Variants in SLC16A4 observed in about 807,000 individuals in gnomAD.
SLC16A4 encodes solute carrier family 16 member 4.
In SLC16A4, 39 loss-of-function variants were observed where a neutral mutation model predicts 47.9. That is an observed-to-expected ratio of 0.81 (90% CI 0.63 to 1.06). The LOEUF (loss-of-function observed/expected upper bound fraction) is 1.06. SLC16A4 is among the 50% of genes least tolerant of loss of function. The probability of loss-of-function intolerance (pLI) is 0.00; values close to 1 mark genes in which losing one functional copy is unlikely to be tolerated. For missense variants in SLC16A4, 524 were observed against 573.8 expected, an observed-to-expected ratio of 0.91 and a Z score of 0.89; for synonymous variants, 189 against 199.9, an observed-to-expected ratio of 0.95 and a Z score of 0.46.
In SLC16A4 at chr1:110,363,316, A is replaced by G. The variant is rs1411305510; in HGVS notation, c.*450T>C. On this transcript the variant is annotated 3_prime_UTR_variant, in exon 9 of 9. Transcript: ENST00000369779. Reference sequence around the variant, plus strand: ...CCAATTAGACATTTCTCAGAATGCTAAAGCAAGAAGGAACCTTAAAAACTT... The same window carrying G: ...CCAATTAGACATTTCTCAGAATGCTGAAGCAAGAAGGAACCTTAAAAACTT... 6.6e-6 allele frequency: 1 copy of G among 152,344 alleles called. No individual in the cohort carries two copies. The highest frequency in any genetic ancestry group is 2.4e-5 in the African/African-American group (1 of 41,448). The allele number at this position is 152,344 out of a possible 1,614,324, so 9.4% of individuals were successfully genotyped here.
At chr1:110,372,676 T>C (rs973382335) in intron 8 of SLC16A4, 2 of 152,232 alleles carry the variant, frequency 1.3e-5, no homozygotes, top group Admixed American at 6.5e-5. Context: ...GTTAGAATCT[T>C]GTTTAAGATA....
chr1:110,373,332 T>G (rs1292571431), intron 8 of SLC16A4, among the ~76,000 whole-genome samples: 1 of 152,160 alleles, frequency 6.6e-6, no homozygotes, highest in African/African-American at 2.4e-5. Context: ...GGACAGCCAA[T>G]GAAGAAGGAT....
At chr1:110,379,438 C>CAG (rs1251000906) in intron 5 of SLC16A4, 82 bp from the exon 6 acceptor site, 5 of 1,292,484 alleles carry the variant, frequency 3.9e-6, no homozygotes, top group Non-Finnish European at 3.2e-6. Context: ...AGAAGAGGCC[C>CAG]CACTGGCATA....
intron 5 of SLC16A4, 27 bp downstream of exon 5, chr1:110,380,955 A>G (rs1662344763): frequency 1.2e-6 from 2 of 1,603,074 alleles, no homozygotes; most frequent in Non-Finnish European, 1.7e-6. Context: ...TGCACAGTTG[A>G]TAGTAAATAA....
At chr1:110,376,862 T>G (rs1662033148) in intron 7 of SLC16A4, 88 bp downstream of exon 7, 2 of 1,099,878 alleles carry the variant, frequency 1.8e-6, no homozygotes, top group South Asian at 3.2e-5. Flanking sequence ...GTTACAAAAT[T>G]AATACAAAAT....
At chr1:110,378,319 C>T (rs1662129922) in intron 6 of SLC16A4, among the ~76,000 whole-genome samples, 1 of 152,160 alleles carries the variant, frequency 6.6e-6, no homozygotes, top group Non-Finnish European at 1.5e-5. Flanking sequence ...ACATGCATTG[C>T]TTTTTTGATC....
intron 2 of SLC16A4, among the ~76,000 whole-genome samples, chr1:110,388,057 T>C (rs150686687): frequency 5.9e-4 from 90 of 152,230 alleles, no homozygotes; most frequent in African/African-American, 2.1e-3. Context: ...CCTTTCCCCG[T>C]GAGCTGCTTA....
intron 1 of SLC16A4, among the ~76,000 whole-genome samples, 166 bp from the exon 2 acceptor site, chr1:110,389,521 A>G (rs1662917201): frequency 6.6e-6 from 1 of 152,242 alleles, no homozygotes; most frequent in Non-Finnish European, 1.5e-5. Context: ...AAATTGAACT[A>G]CCATTTGACC....
intron 8 of SLC16A4, chr1:110,370,962 G>A (rs998386448): frequency 6.6e-6 from 1 of 152,184 alleles, no homozygotes; most frequent in East Asian, 1.9e-4. Flanking sequence ...CAGTTGTAGA[G>A]GTTCTAGACT....
intron 8 of SLC16A4, among the ~76,000 whole-genome samples, chr1:110,366,426 C>T (rs1661403817): frequency 6.6e-6 from 1 of 152,224 alleles, no homozygotes; most frequent in East Asian, 1.9e-4. Flanking sequence ...TTCTAAAGTG[C>T]TTGGATTTCA....
chr1:110,390,275 C>CCTG (rs1340324107), intron 1 of SLC16A4, among the ~76,000 whole-genome samples: 6 of 152,104 alleles, frequency 3.9e-5, no homozygotes, highest in Admixed American at 6.6e-5. Flanking sequence ...TGTGCGTCAC[C>CCTG]CTGCTGGTCC....
intron 2 of SLC16A4, among the ~76,000 whole-genome samples, chr1:110,385,518 T>C (rs1190458364): frequency 1.3e-5 from 2 of 152,194 alleles, no homozygotes; most frequent in Admixed American, 1.3e-4. Context: ...ACATTTCCCT[T>C]ATCCTATGCC....
At chr1:110,383,904 C>T (rs964356860) in intron 2 of SLC16A4, among the ~76,000 whole-genome samples, 2 of 140,900 alleles carry the variant, frequency 1.4e-5, no homozygotes, top group African/African-American at 2.7e-5. Context: ...GTTCAGCCTA[C>T]GCATGGGAAT....
At position 110,377,086 on chromosome 1, in the gene SLC16A4, T is replaced by C; in HGVS notation, c.1106A>G (p.His369Arg). 6.2e-7 allele frequency: 1 copy of C among 1,614,102 alleles called. No homozygotes were observed. The highest frequency in any genetic ancestry group is 8.5e-7 in the Non-Finnish European group (1 of 1,180,006). Residue 369 changes from histidine (H) to arginine (R), a missense_variant, in exon 7 of 9, where the codon CAC (histidine) becomes CGC (arginine). His to Arg is a conservative substitution (Grantham distance 29, BLOSUM62 0). Coordinates refer to ENST00000369779, the MANE Select transcript of SLC16A4 (RefSeq NM_004696.3). ...DQNWIKKYHY[H>R]KSYLILCGIT... ...GCCGCAGAGGATGAGGTAAGACTTG[T>C]GGTAATGATACTTCTTAATCCAGTT...
At chr1:110,383,867 C>T (rs1320229108) in intron 2 of SLC16A4, among the ~76,000 whole-genome samples, 1 of 108,498 alleles carries the variant, frequency 9.2e-6, no homozygotes, top group Non-Finnish European at 1.7e-5. Flanking sequence ...CAAAGTTAAG[C>T]TATCAACTAA....
intron 8 of SLC16A4, among the ~76,000 whole-genome samples, chr1:110,369,875 A>G (rs1661597770): frequency 6.6e-6 from 1 of 152,218 alleles, no homozygotes; most frequent in Non-Finnish European, 1.5e-5. Context: ...AATCTTGGGA[A>G]ACTTGGCTTA....
At chr1:110,385,010 CAAAATT>C (rs932807036) in intron 2 of SLC16A4, among the ~76,000 whole-genome samples, 1 of 152,098 alleles carries the variant, frequency 6.6e-6, no homozygotes, top group African/African-American at 2.4e-5. Context: ...GACCTTGTCT[CAAAATT>C]AATAATAATA....
At chr1:110,364,470 A>AT (rs1661259509) in intron 8 of SLC16A4, among the ~76,000 whole-genome samples, 1 of 150,586 alleles carries the variant, frequency 6.6e-6, no homozygotes, top group Admixed American at 6.6e-5. Context: ...GGGTTAAACA[A>AT]TGACAAGTTC....
intron 8 of SLC16A4, among the ~76,000 whole-genome samples, chr1:110,373,732 G>A (rs1312519879): frequency 3.4e-5 from 5 of 145,714 alleles, no homozygotes; most frequent in Non-Finnish European, 1.5e-5. Context: ...AGGCTAGAGT[G>A]CAGTGGCATG....
Sources: gnomAD v4.1 joint callset for allele counts (sites outside exome capture counted in the v4.1 genomes callset) on GRCh38, gnomAD v4.1.1 for gene constraint, MANE v1.5 for transcripts, NCBI Gene and HGNC (gene_info 2026-07-23, HGNC 2026-07-21) for gene names.